IGBP1C: variants seen among roughly 807,000 people sequenced by gnomAD.
The protein encoded by IGBP1C is immunoglobulin-binding protein 1 family member C.
chr17:58,679,427 C>T, the IGBP1C span: 6 of 141,452 alleles, frequency 4.2e-5, no homozygotes, highest in South Asian at 1.1e-3. Context: ...CATTAGAAGG[C>T]ATCAATCTCT....
At chr17:58,660,989 T>C in the IGBP1C span, 54 of 1,172,774 alleles carry the variant, frequency 4.6e-5, no homozygotes, top group South Asian at 2.1e-4. Context: ...TAAGCTGATA[T>C]CAATCCACCT....
the IGBP1C span, among the ~76,000 whole-genome samples, chr17:58,668,494 C>T: frequency 6.6e-6 from 1 of 152,346 alleles, no homozygotes; most frequent in East Asian, 1.9e-4. Context: ...CCAATGCCCA[C>T]TGAAGGCTCA....
the IGBP1C span, among the ~76,000 whole-genome samples, chr17:58,683,953 T>C: frequency 1.1e-4 from 17 of 151,310 alleles, no homozygotes; most frequent in African/African-American, 4.1e-4. Flanking sequence ...TCATCCCAGC[T>C]ACTCGGGAGG....
At chr17:58,677,516 A>C in the IGBP1C span, 1 of 152,238 alleles carries the variant, frequency 6.6e-6, no homozygotes, top group East Asian at 1.9e-4. Flanking sequence ...AGCAAGGAGA[A>C]GCCAAACACG....
At chr17:58,664,492 T>C in the IGBP1C span, among the ~76,000 whole-genome samples, 1 of 152,248 alleles carries the variant, frequency 6.6e-6, no homozygotes, top group Non-Finnish European at 1.5e-5. Flanking sequence ...ATACTTCTCA[T>C]TTACTGACAG....
chr17:58,688,479 T>C, the IGBP1C span, among the ~76,000 whole-genome samples: 10 of 152,214 alleles, frequency 6.6e-5, no homozygotes, highest in African/African-American at 1.9e-4. Context: ...CTAGGTATTC[T>C]ATAAGGATTT....
chr17:58,661,811 GTCTC>G, the IGBP1C span: 318 of 487,826 alleles, frequency 6.5e-4, no homozygotes, highest in Non-Finnish European at 6.0e-4. Context: ...GTCAAACTTT[GTCTC>G]TCTGTTTCCG....
chr17:58,688,182 A>G, the IGBP1C span, among the ~76,000 whole-genome samples: 1 of 151,960 alleles, frequency 6.6e-6, no homozygotes, highest in African/African-American at 2.4e-5. Context: ...GTACAGTGTC[A>G]TAATATCGGC....
chr17:58,688,174 A>G, the IGBP1C span, among the ~76,000 whole-genome samples: 1 of 151,892 alleles, frequency 6.6e-6, no homozygotes, highest in South Asian at 2.1e-4. Flanking sequence ...AGGCTGGAGT[A>G]CAGTGTCATA....
the IGBP1C span, among the ~76,000 whole-genome samples, chr17:58,679,101 C>T: frequency 1.3e-5 from 2 of 151,956 alleles, no homozygotes. Context: ...TTGCTGTGAG[C>T]TGAGATTGCG....
the IGBP1C span, among the ~76,000 whole-genome samples, chr17:58,680,458 C>G: frequency 4.6e-5 from 7 of 152,126 alleles, no homozygotes; most frequent in Non-Finnish European, 8.8e-5. Context: ...TTGAATGAAG[C>G]AGGCCGGACG....
At chr17:58,691,539 C>T in the IGBP1C span, among the ~76,000 whole-genome samples, 3 of 151,716 alleles carry the variant, frequency 2.0e-5, no homozygotes, top group South Asian at 6.3e-4. Context: ...TGGTGGCGTG[C>T]GCCTGTAATC....
At chr17:58,690,408 T>C in the IGBP1C span, among the ~76,000 whole-genome samples, 3 of 152,150 alleles carry the variant, frequency 2.0e-5, no homozygotes, top group African/African-American at 7.2e-5. Context: ...TCAAGCGATG[T>C]GCCCTCTTTG....
At chr17:58,675,982 T>C in the IGBP1C span, among the ~76,000 whole-genome samples, 1 of 152,118 alleles carries the variant, frequency 6.6e-6, no homozygotes, top group African/African-American at 2.4e-5. Flanking sequence ...CTCACACATG[T>C]ATATCCCAGC....
chr17:58,686,329 T>C, the IGBP1C span, among the ~76,000 whole-genome samples: 1 of 152,070 alleles, frequency 6.6e-6, no homozygotes, highest in Non-Finnish European at 1.5e-5. Context: ...GTGTCAAGGA[T>C]GATTCTAGGT....
chr17:58,661,568 G>A, the IGBP1C span: 19 of 739,412 alleles, frequency 2.6e-5, no homozygotes, highest in Middle Eastern at 4.7e-4. Flanking sequence ...GAGCCGCGGC[G>A]GCGGCAGGAA....
chr17:58,675,248 C>T, the IGBP1C span: 6 of 152,152 alleles, frequency 3.9e-5, no homozygotes, highest in African/African-American at 7.2e-5. Flanking sequence ...AATACCACTT[C>T]ACCCTCACTA....
the IGBP1C span, among the ~76,000 whole-genome samples, chr17:58,666,976 C>G: frequency 6.6e-6 from 1 of 152,190 alleles, no homozygotes; most frequent in African/African-American, 2.4e-5. Context: ...CATCTCGGCC[C>G]GCTTCCAACC....
At chr17:58,661,345 C>T in the IGBP1C span, 2 of 903,602 alleles carry the variant, frequency 2.2e-6, no homozygotes, top group Non-Finnish European at 3.8e-6. Context: ...CTCCTTGAAA[C>T]GCTGGCACCA....
Sources: gnomAD v4.1 joint callset for allele counts (sites outside exome capture counted in the v4.1 genomes callset) on GRCh38, gnomAD v4.1.1 for gene constraint, MANE v1.5 for transcripts, NCBI Gene and HGNC (gene_info 2026-07-23, HGNC 2026-07-21) for gene names.